Variants in PHACTR3 observed in about 807,000 individuals in gnomAD.
PHACTR3 encodes protein phosphatase 1, regulatory subunit 123.
PHACTR3 carries 16 observed loss-of-function variants against 66.8 expected under a neutral mutation model. The observed-to-expected ratio is 0.24, with a 90% CI of 0.16 to 0.36. PHACTR3 has a LOEUF of 0.36. Among genes scored for constraint, PHACTR3 ranks in the 10% least tolerant of loss-of-function variants. PHACTR3 has a pLI of 1.00. For synonymous variants in PHACTR3, 323 were observed against 292.1 expected, an observed-to-expected ratio of 1.11 and a Z score of -1.08; for missense variants, 647 against 719.9, an observed-to-expected ratio of 0.90 and a Z score of 1.16.
chr20:59,689,647 C>G (rs1237059231), intron 1 of PHACTR3, among the ~76,000 whole-genome samples: 2 of 152,180 alleles, frequency 1.3e-5, no homozygotes, highest in Non-Finnish European at 2.9e-5. Context: ...CCCCATCATT[C>G]CATTTCATAA....
At chr20:59,805,498 T>C (rs530919716) in intron 7 of PHACTR3, among the ~76,000 whole-genome samples, 3 of 152,306 alleles carry the variant, frequency 2.0e-5, no homozygotes, top group African/African-American at 2.4e-5. Context: ...TCAGAGGGTT[T>C]CTGAGGACCT....
intron 1 of PHACTR3, among the ~76,000 whole-genome samples, chr20:59,721,729 G>T (rs1268382198): frequency 6.6e-6 from 1 of 152,184 alleles, no homozygotes; most frequent in Non-Finnish European, 1.5e-5. Flanking sequence ...GGATACTGCT[G>T]CCTGGGGGCT....
At chr20:59,730,991 T>C (rs566307343) in intron 1 of PHACTR3, among the ~76,000 whole-genome samples, 2 of 152,266 alleles carry the variant, frequency 1.3e-5, no homozygotes, top group African/African-American at 4.8e-5. Flanking sequence ...GCTTAAAGTC[T>C]TCCTAGCACT....
intron 3 of PHACTR3, among the ~76,000 whole-genome samples, chr20:59,749,730 G>A (rs1039911307): frequency 2.6e-5 from 4 of 152,238 alleles, no homozygotes; most frequent in African/African-American, 7.2e-5. Flanking sequence ...ACATGCATGA[G>A]AGGGCATGGC....
intron 1 of PHACTR3, among the ~76,000 whole-genome samples, chr20:59,693,610 A>C (rs899604294): frequency 6.6e-6 from 1 of 152,166 alleles, no homozygotes; most frequent in African/African-American, 2.4e-5. Flanking sequence ...CTGGTGTATC[A>C]GTTACCTGTT....
chr20:59,837,952 T>G (rs1490003239), intron 9 of PHACTR3, among the ~76,000 whole-genome samples: 1 of 152,232 alleles, frequency 6.6e-6, no homozygotes, highest in Non-Finnish European at 1.5e-5. Context: ...CTAATTGTGT[T>G]AATCTTTGGA....
intron 1 of PHACTR3, among the ~76,000 whole-genome samples, chr20:59,727,321 C>G (rs774517807): frequency 6.6e-6 from 1 of 152,034 alleles, no homozygotes; most frequent in Admixed American, 6.6e-5. Flanking sequence ...ATAGACTATA[C>G]TTGATGTGTC....
chr20:59,809,235 A>G (rs1160762810), intron 8 of PHACTR3, among the ~76,000 whole-genome samples: 2 of 151,958 alleles, frequency 1.3e-5, no homozygotes, highest in Non-Finnish European at 2.9e-5. Flanking sequence ...GGGGCTGTGG[A>G]TAGAGCACGA....
intron 1 of PHACTR3, among the ~76,000 whole-genome samples, chr20:59,631,133 G>T (rs539771290): frequency 6.6e-6 from 1 of 152,230 alleles, no homozygotes; most frequent in Non-Finnish European, 1.5e-5. Context: ...CCATGCTCAG[G>T]GAAGAATGCC....
At chr20:59,727,853 A>G (rs1423145887) in intron 1 of PHACTR3, among the ~76,000 whole-genome samples, 1 of 152,096 alleles carries the variant, frequency 6.6e-6, no homozygotes, top group Admixed American at 6.5e-5. Context: ...AATCCGAAAC[A>G]CTTCTGGTCC....
chr20:59,772,477 C>T (rs1038064897), intron 5 of PHACTR3, among the ~76,000 whole-genome samples: 2 of 152,164 alleles, frequency 1.3e-5, no homozygotes, highest in African/African-American at 4.8e-5. Context: ...TCCCAGGGGA[C>T]AGGAGACGAG....
intron 8 of PHACTR3, among the ~76,000 whole-genome samples, chr20:59,833,501 G>A (rs928170724): frequency 1.1e-4 from 16 of 152,274 alleles, no homozygotes; most frequent in African/African-American, 3.4e-4. Context: ...CATTAAGAGG[G>A]TCTGGTACTA....
At chr20:59,754,745 T>C (rs1370205174) in intron 3 of PHACTR3, among the ~76,000 whole-genome samples, 3 of 152,172 alleles carry the variant, frequency 2.0e-5, no homozygotes, top group African/African-American at 7.2e-5. Context: ...AGGACAAAGG[T>C]CCAGGGAAAC....
At chr20:59,591,542 C>T (rs1172933062) in intron 1 of PHACTR3, among the ~76,000 whole-genome samples, 1 of 152,162 alleles carries the variant, frequency 6.6e-6, no homozygotes, top group Non-Finnish European at 1.5e-5. Flanking sequence ...GTGGCACCAG[C>T]AACTCCAGCT....
chr20:59,729,667 C>T (rs1432305001), intron 1 of PHACTR3, among the ~76,000 whole-genome samples: 5 of 152,132 alleles, frequency 3.3e-5, no homozygotes, highest in African/African-American at 4.8e-5. Context: ...GGCTCTGTCA[C>T]CTGCTGTCAG....
chr20:59,807,793 A>G (rs1485218009), intron 8 of PHACTR3, among the ~76,000 whole-genome samples: 2 of 152,230 alleles, frequency 1.3e-5, no homozygotes, highest in African/African-American at 2.4e-5. Flanking sequence ...TATGTGTCGT[A>G]TATGTCGTGT....
chr20:59,642,073 G>T (rs866020468), intron 1 of PHACTR3, among the ~76,000 whole-genome samples: 4 of 152,160 alleles, frequency 2.6e-5, no homozygotes, highest in African/African-American at 4.8e-5. Context: ...GTGATCATTG[G>T]CTTGCATTTT....
At chr20:59,598,364 G>A (rs777715009) in intron 1 of PHACTR3, among the ~76,000 whole-genome samples, 3 of 152,172 alleles carry the variant, frequency 2.0e-5, no homozygotes, top group Non-Finnish European at 2.9e-5. Flanking sequence ...ACCCTGTAAG[G>A]TAGGTTATCT....
At chr20:59,644,780 G>A (rs370279123) in intron 1 of PHACTR3, among the ~76,000 whole-genome samples, 52 of 152,234 alleles carry the variant, frequency 3.4e-4, no homozygotes, top group African/African-American at 1.2e-3. Flanking sequence ...TGCACCCTGC[G>A]CCTTCCCTTT....
Sources: allele counts gnomAD v4.1 joint callset (sites outside exome capture counted in the v4.1 genomes callset), GRCh38; gene constraint gnomAD v4.1.1; transcripts MANE v1.5; gene names NCBI Gene and HGNC (gene_info 2026-07-23, HGNC 2026-07-21).